Variants in IL31RA observed in about 807,000 individuals in gnomAD.
IL31RA encodes the protein interleukin-31 receptor subunit alpha.
In IL31RA, 66 loss-of-function variants were observed where a neutral mutation model predicts 83.7. The observed-to-expected ratio is 0.79, with a 90% CI of 0.65 to 0.97. IL31RA has a LOEUF of 0.97. IL31RA is among the 50% of genes least tolerant of loss of function. The pLI is 0.00. For synonymous variants in IL31RA, 325 were observed against 329.0 expected (o/e 0.99, Z 0.13); for missense variants, 798 against 919.4 (o/e 0.87, Z 1.71).
At chr5:55,888,418 TAGGC>T (rs1381399034) in intron 5 of IL31RA, among the ~76,000 whole-genome samples, 18 of 152,234 alleles carry the variant, frequency 1.2e-4, no homozygotes, top group African/African-American at 4.1e-4. Context: ...GTGGCTACAT[TAGGC>T]AGAACTTTCT....
rs56374716 is a variant in IL31RA, at chr5:55,867,268, C to CGTGT, written c.155-1517_155-1514dup. ...GTTTGTGTGTGCGTGTGTTTGTGTG[C>CGTGT]GTGTGTGTGCATGTGTGTGTGCATG... On this transcript the variant is annotated intron_variant, in intron 2 of 14. Transcript: ENST00000652347. 1.7e-4 allele frequency among the ~76,000 whole-genome samples: 22 copies of CGTGT among 127,936 alleles called. 1 individual carries two copies. Among genetic ancestry groups the CGTGT allele is most frequent in the South Asian group, 1.6e-3 (6 of 3,774 alleles). The allele number at this position is 127,936 out of a possible 152,430, so 83.9% of individuals were successfully genotyped here. A position where few individuals can be genotyped will look rare whatever the true frequency, so the allele number is the denominator to read the frequency against.
At chr5:55,873,961 T>G (rs1314446038) in intron 4 of IL31RA, among the ~76,000 whole-genome samples, 1 of 152,122 alleles carries the variant, frequency 6.6e-6, no homozygotes, top group Non-Finnish European at 1.5e-5. Flanking sequence ...AACCATTGCC[T>G]AACCTGAGGT....
chr5:55,884,145 A>G (rs1453413690), intron 5 of IL31RA, among the ~76,000 whole-genome samples: 1 of 152,044 alleles, frequency 6.6e-6, no homozygotes, highest in African/African-American at 2.4e-5. Flanking sequence ...TGATTTTTCA[A>G]TTGATTTGTA....
intron 3 of IL31RA, among the ~76,000 whole-genome samples, chr5:55,869,245 T>C (rs1746368077): frequency 6.6e-6 from 1 of 152,162 alleles, no homozygotes; most frequent in African/African-American, 2.4e-5. Flanking sequence ...TGGATCCAGA[T>C]ATAGTAAGTA....
At position 55,890,200 on chromosome 5, in the gene IL31RA, G is replaced by A. The variant is rs756243768; in HGVS notation, c.772+65G>A. ...TGTAGGGCTGCTTTGGGCTAGACTT[G>A]GTGGGGTTTGTCACCACCTGGTTGG... On this transcript the variant is annotated intron_variant, in intron 6 of 14. Coordinates refer to ENST00000652347, the MANE Select transcript of IL31RA (RefSeq NM_139017.7). The A allele has an allele frequency of 2.6e-6, 4 of 1,541,616 alleles. No individual in the cohort carries two copies. The East Asian group carries it at 6.8e-5, about 26-fold the overall frequency.
rs186785844 is a variant in IL31RA, at chr5:55,864,890, C to T, written c.155-3901C>T. 9.9e-5 allele frequency among the ~76,000 whole-genome samples: 15 copies of T among 151,800 alleles called. No homozygotes were observed. The South Asian group carries it at 2.7e-3, about 27-fold the overall frequency. ...ACACATTTTACACATGACATACACA[C>T]CGCACACTACACACACACCCCATAC... On this transcript the variant is annotated intron_variant, in intron 2 of 14. Coordinates refer to ENST00000652347, the MANE Select transcript of IL31RA (RefSeq NM_139017.7).
At chr5:55,845,691 C>T in the IL31RA span, among the ~76,000 whole-genome samples, 19 of 152,056 alleles carry the variant, frequency 1.2e-4, no homozygotes, top group Admixed American at 8.5e-4. Flanking sequence ...CTTTTCCTTC[C>T]GCCATGATTG....
chr5:55,902,809 G>T (rs1748910631), intron 8 of IL31RA, among the ~76,000 whole-genome samples: 1 of 152,200 alleles, frequency 6.6e-6, no homozygotes, highest in Non-Finnish European at 1.5e-5. Context: ...ATTGTGCTAA[G>T]ATAACATAGG....
chr5:55,867,277 GCA>G (rs749321527), intron 2 of IL31RA, among the ~76,000 whole-genome samples: 43 of 77,022 alleles, frequency 5.6e-4, no homozygotes, highest in South Asian at 2.3e-3. Flanking sequence ...GCGTGTGTGT[GCA>G]TGTGTGTGTG....
chr5:55,922,631 A>T lies in IL31RA; in HGVS notation c.*5511A>T. 1 of 550,378 alleles carries T rather than the reference A, an allele frequency of 1.8e-6. No homozygotes were observed. The highest frequency in any genetic ancestry group is 3.2e-6 in the Non-Finnish European group (1 of 310,162). The allele number at this position is 550,378 out of a possible 1,614,324, so 34.1% of individuals were successfully genotyped here. ...GTGCATGAGAAGTCTGTTATTAAGT[A>T]GAGTGTGAAAACATGGTTATGGTAA... On this transcript the variant is annotated 3_prime_UTR_variant, in exon 15 of 15. Coordinates refer to ENST00000652347, the MANE Select transcript of IL31RA (RefSeq NM_139017.7).
At chr5:55,911,256 T>A (rs1212527692) in intron 12 of IL31RA, among the ~76,000 whole-genome samples, 3 of 152,136 alleles carry the variant, frequency 2.0e-5, no homozygotes, top group Non-Finnish European at 2.9e-5. Context: ...TCAGATCTCA[T>A]GAGATTTATT....
rs1234844818 is a variant in IL31RA at position 55,903,426 on chromosome 5, T to C, written c.1070-2680T>C. Among the ~76,000 whole-genome samples the C allele has an allele frequency of 1.3e-5, 2 of 152,204 alleles. No homozygotes were observed. The highest frequency in any genetic ancestry group is 1.5e-5 in the Non-Finnish European group (1 of 68,030). On this transcript the variant is annotated intron_variant, in intron 8 of 14. Transcript: ENST00000652347. The surrounding 1 kb of genome is among the most constrained non-coding windows in gnomAD (Gnocchi z 4.7). ...ACCTGGGGATGTTTGGAGTAATTGC[T>C]CAGAAAGCTCTTGTTGAATGATGGA...
At chr5:55,867,171 G>GTGTGTGTGTGCATGTGTGTT (rs1561543104) in intron 2 of IL31RA, among the ~76,000 whole-genome samples, 1,489 of 70,736 alleles carry the variant, frequency 0.021, 45 homozygotes, top group South Asian at 0.094. Context: ...GTGTGTGCAT[G>GTGTGTGTGTGCATGTGTGTT]TGTGTGTGCA....
rs1750133300 is a variant in IL31RA, at chr5:55,922,343, C to T, written c.*5223C>T. On this transcript the variant is annotated 3_prime_UTR_variant, in exon 15 of 15. Coordinates refer to ENST00000652347, the MANE Select transcript of IL31RA (RefSeq NM_139017.7). ...GGCAAAACCTGCTGTCAGCAATGCT[C>T]TCGTGGCTGTTCAAGGGAAGTGAGA... 21 of 1,484,860 alleles carry T rather than the reference C, an allele frequency of 1.4e-5. No individual in the cohort carries two copies. The highest frequency in any genetic ancestry group is 2.4e-5 in the South Asian group (2 of 82,660). 92.0% of individuals were successfully genotyped at this position (1,484,860 alleles called of 1,614,324 possible). A position where few individuals can be genotyped will look rare whatever the true frequency, so the allele number is the denominator to read the frequency against.
the IL31RA span, among the ~76,000 whole-genome samples, chr5:55,844,600 G>A: frequency 1.3e-5 from 2 of 152,104 alleles, no homozygotes; most frequent in East Asian, 3.9e-4. Context: ...TAGTTTTTCT[G>A]GAATTTATCT....
Position 55,917,055 on chromosome 5 carries a change from T to G in IL31RA, c.2230T>G (p.Ser744Ala), listed in dbSNP as rs1749833373. 2 of 1,614,164 alleles carry G rather than the reference T, an allele frequency of 1.2e-6. No homozygotes were observed. Among genetic ancestry groups the G allele is most frequent in the Non-Finnish European group, 1.7e-6 (2 of 1,180,032 alleles). Reference sequence around the variant, plus strand: ...AGCCCCAAATCCATATTTGAAAAATTCAGTGACAGCCAGGGAATTTCTTGT... The same window carrying G: ...AGCCCCAAATCCATATTTGAAAAATGCAGTGACAGCCAGGGAATTTCTTGT... ...EGAPNPYLKNSVTAREFLVSE... is the reference protein window; with the variant it reads ...EGAPNPYLKNAVTAREFLVSE... The change falls in exon 15 of 15, where the codon TCA becomes GCA. Residue 744 changes from serine to alanine, a missense_variant. Coordinates refer to ENST00000652347, the MANE Select transcript of IL31RA (RefSeq NM_139017.7).
upstream of IL31RA, among the ~76,000 whole-genome samples, chr5:55,846,980 C>G (rs1003541911): frequency 6.6e-6 from 1 of 151,812 alleles, no homozygotes; most frequent in African/African-American, 2.4e-5. Flanking sequence ...CATGGTGGCT[C>G]ACACCTGTAA....
chr5:55,904,287 C>T (rs1246458098), intron 8 of IL31RA, among the ~76,000 whole-genome samples: 1 of 152,050 alleles, frequency 6.6e-6, no homozygotes, highest in Non-Finnish European at 1.5e-5. Context: ...GTGTGAGTGA[C>T]ATCTCATAGT....
chr5:55,867,902 CT>C (rs1232702308), intron 2 of IL31RA, among the ~76,000 whole-genome samples: 2 of 152,122 alleles, frequency 1.3e-5, no homozygotes, highest in Non-Finnish European at 2.9e-5. Flanking sequence ...ATTCAATTAC[CT>C]CCCCCTGGGT....
Sources: gnomAD v4.1 joint callset for allele counts (sites outside exome capture counted in the v4.1 genomes callset) on GRCh38, gnomAD v4.1.1 for gene constraint, Gnocchi (gnomAD v3.1) non-coding constraint, MANE v1.5 for transcripts, NCBI Gene and HGNC (gene_info 2026-07-23, HGNC 2026-07-21) for gene names.